NT5C3A: variants seen among roughly 807,000 people sequenced by gnomAD.
The protein encoded by NT5C3A is 5'-nucleotidase, cytosolic IIIA, also known as cytosolic 5'-nucleotidase 3A.
In NT5C3A, 23 loss-of-function variants were observed where a neutral mutation model predicts 40.0. The observed-to-expected ratio is 0.58, with a 90% CI of 0.41 to 0.81. The LOEUF (loss-of-function observed/expected upper bound fraction) is 0.81. NT5C3A is among the 40% of genes least tolerant of loss of function. The pLI is 0.00. For synonymous variants in NT5C3A, 130 were observed against 141.4 expected, an observed-to-expected ratio of 0.92 and a Z score of 0.57; for missense variants, 328 against 403.0, an observed-to-expected ratio of 0.81 and a Z score of 1.59.
intron 1 of NT5C3A, among the ~76,000 whole-genome samples, chr7:33,033,721 G>A (rs926922402): frequency 1.3e-5 from 2 of 151,944 alleles, no homozygotes. Flanking sequence ...GAATCAAAGT[G>A]CAGGGTCTAA....
At chr7:33,037,344 A>G (rs1256132931) in intron 1 of NT5C3A, among the ~76,000 whole-genome samples, 1 of 150,890 alleles carries the variant, frequency 6.6e-6, no homozygotes, top group African/African-American at 2.4e-5. Context: ...TATAAATCTT[A>G]GGGAAAATTA....
intron 2 of NT5C3A, 63 bp downstream of exon 2, chr7:33,026,754 A>C: frequency 8.7e-7 from 1 of 1,146,608 alleles, no homozygotes; most frequent in Non-Finnish European, 1.3e-6. Flanking sequence ...TCAGTCTCCC[A>C]AAGTGCTGGA....
At chr7:33,057,162 C>A (rs1382590804) in intron 1 of NT5C3A, among the ~76,000 whole-genome samples, 1 of 151,986 alleles carries the variant, frequency 6.6e-6, no homozygotes, top group East Asian at 1.9e-4. Flanking sequence ...AACTCATAGG[C>A]AATGCACCCA....
At chr7:33,033,062 T>C (rs931592217) in intron 1 of NT5C3A, among the ~76,000 whole-genome samples, 2 of 152,242 alleles carry the variant, frequency 1.3e-5, no homozygotes, top group Non-Finnish European at 2.9e-5. Flanking sequence ...TCAGTGAATT[T>C]TAAATCACCT....
chr7:33,018,646 C>T (rs1362357275), intron 6 of NT5C3A, among the ~76,000 whole-genome samples: 2 of 151,920 alleles, frequency 1.3e-5, no homozygotes, highest in African/African-American at 4.8e-5. Flanking sequence ...GTCAGGAGAT[C>T]GAGACCATCC....
chr7:33,022,450 C>T (rs1583904395), intron 3 of NT5C3A, among the ~76,000 whole-genome samples: 1 of 152,062 alleles, frequency 6.6e-6, no homozygotes, highest in Non-Finnish European at 1.5e-5. Context: ...ATGGGAAATA[C>T]ATTTTTTTCG....
intron 1 of NT5C3A, chr7:33,045,836 G>A (rs1019008196): frequency 9.2e-5 from 14 of 151,914 alleles, no homozygotes; most frequent in Admixed American, 3.3e-4. Context: ...GCTGTAGTAC[G>A]GTGGCTATTC....
intron 1 of NT5C3A, among the ~76,000 whole-genome samples, chr7:33,039,534 AT>A (rs1202402643): frequency 4.2e-5 from 3 of 70,988 alleles, no homozygotes; most frequent in African/African-American, 1.6e-4. Context: ...AACCTGTACT[AT>A]TTGACTTTCT....
chr7:33,047,308 G>T (rs1272732182), intron 1 of NT5C3A, among the ~76,000 whole-genome samples: 1 of 152,206 alleles, frequency 6.6e-6, no homozygotes, highest in Admixed American at 6.5e-5. Flanking sequence ...TAAATGAGGA[G>T]TAAAAAGTTA....
chr7:33,058,552 T>C (rs2128020954), intron 1 of NT5C3A, among the ~76,000 whole-genome samples: 1 of 152,292 alleles, frequency 6.6e-6, no homozygotes, highest in Middle Eastern at 3.4e-3. Flanking sequence ...GGTTCCACCA[T>C]GTTGGTCAGG....
chr7:33,041,029 T>TG (rs1337254035), intron 1 of NT5C3A: 1 of 985,330 alleles, frequency 1.0e-6, no homozygotes, highest in African/African-American at 1.7e-5. Flanking sequence ...ACTTTATATA[T>TG]GCTCTTGGTT....
At chr7:33,026,248 C>T (rs987127186) in intron 2 of NT5C3A, among the ~76,000 whole-genome samples, 2 of 143,896 alleles carry the variant, frequency 1.4e-5, no homozygotes, top group African/African-American at 5.2e-5. Context: ...CTCGGGGAGG[C>T]GGAGGTACGA....
chr7:33,062,399 GC>G (rs1281111305), intron 1 of NT5C3A, among the ~76,000 whole-genome samples, 168 bp downstream of exon 1: 1 of 152,190 alleles, frequency 6.6e-6, no homozygotes, highest in Non-Finnish European at 1.5e-5. Flanking sequence ...ACGCGGGGCG[GC>G]CGGGTCCCCC....
At chr7:33,023,779 G>T in intron 3 of NT5C3A, 1 of 420,678 alleles carries the variant, frequency 2.4e-6, no homozygotes, top group African/African-American at 2.0e-5. Context: ...AATATTTCTT[G>T]AATAATGAAT....
Position 33,021,333 on chromosome 7 carries a change from A to G in NT5C3A, c.379T>C (p.Tyr127His). 1 of 1,611,900 alleles carries G rather than the reference A, an allele frequency of 6.2e-7. No individual in the cohort carries two copies. Among genetic ancestry groups the G allele is most frequent in the Non-Finnish European group, 8.5e-7 (1 of 1,178,538 alleles). The change falls in exon 5 of 9, where the codon TAC becomes CAC. Residue 127 changes from tyrosine to histidine, a missense_variant. Coordinates refer to ENST00000610140, the MANE Select transcript of NT5C3A (RefSeq NM_001002010.5). ...KKLLQLKEKY[Y>H]AIEVDPVLTV... is the part of the protein sequence containing the mutation. Reference sequence around the variant, plus strand: ...AGAACAGGATCAACTTCAATAGCGTAATATTTTTCCTTTAGTTGCAATAAC... The same window carrying G: ...AGAACAGGATCAACTTCAATAGCGTGATATTTTTCCTTTAGTTGCAATAAC...
intron 1 of NT5C3A, among the ~76,000 whole-genome samples, chr7:33,043,416 A>C (rs1787013882): frequency 6.6e-6 from 1 of 152,228 alleles, no homozygotes; most frequent in African/African-American, 2.4e-5. Flanking sequence ...AGCGTGTTAA[A>C]AACGTCATAG....
intron 1 of NT5C3A, among the ~76,000 whole-genome samples, chr7:33,059,434 T>A (rs1258018204): frequency 6.6e-6 from 1 of 152,190 alleles, no homozygotes; most frequent in Non-Finnish European, 1.5e-5. Context: ...AAACCTGCCA[T>A]TTTTTCCTTC....
Position 33,039,826 on chromosome 7 carries a change from A to C in NT5C3A, c.139-12911T>G, listed in dbSNP as rs542356820. Among the ~76,000 whole-genome samples, 7 of 152,146 alleles carry C rather than the reference A, an allele frequency of 4.6e-5. No homozygotes were observed. In the East Asian group the frequency reaches 1.3e-3, roughly 29 times the overall value. Reference sequence around the variant, plus strand: ...GAGATATAGGAGGAAAGAGGAAAAAACAGATTTCAAAAGCTAGTTATTTAA... The same window carrying C: ...GAGATATAGGAGGAAAGAGGAAAAACCAGATTTCAAAAGCTAGTTATTTAA... On this transcript the variant is annotated intron_variant, in intron 1 of 8. Coordinates refer to ENST00000610140, the MANE Select transcript of NT5C3A (RefSeq NM_001002010.5).
intron 1 of NT5C3A, among the ~76,000 whole-genome samples, chr7:33,031,881 T>C (rs1028976807): frequency 6.6e-6 from 1 of 152,178 alleles, no homozygotes; most frequent in Non-Finnish European, 1.5e-5. Context: ...TCCCAGCACT[T>C]AGGGAGGCCA....
Sources: allele counts gnomAD v4.1 joint callset (sites outside exome capture counted in the v4.1 genomes callset), GRCh38; gene constraint gnomAD v4.1.1; transcripts MANE v1.5; gene names NCBI Gene and HGNC (gene_info 2026-07-23, HGNC 2026-07-21).